Variants in OGFOD2 observed in about 807,000 individuals in gnomAD.
OGFOD2 encodes 2-oxoglutarate and iron-dependent oxygenase domain-containing protein 2.
Under a neutral mutation model 31.1 loss-of-function variants are expected in OGFOD2, and 34 were observed. That is an observed-to-expected ratio of 1.09 (90% CI 0.83 to 1.45). OGFOD2 has a LOEUF of 1.45. OGFOD2 is among the 40% of genes most tolerant of loss of function. The pLI, the probability that OGFOD2 is intolerant of heterozygous loss-of-function variation, is 0.00. For synonymous variants in OGFOD2, 240 were observed against 192.3 expected, an observed-to-expected ratio of 1.25 and a Z score of -2.05; for missense variants, 537 against 433.9, an observed-to-expected ratio of 1.24 and a Z score of -2.11.
chr12:122,976,279 C>T (rs1394546403), intron 2 of OGFOD2: 1 of 1,208,312 alleles, frequency 8.3e-7, no homozygotes, highest in Non-Finnish European at 1.2e-6. Context: ...CTGCCCCACT[C>T]CCTCCTCCTC....
Position 122,978,830 on chromosome 12 carries a change from C to T in OGFOD2, c.609C>T (p.Ala203=), listed in dbSNP as rs371976961. The T allele has an allele frequency of 3.1e-6, 5 of 1,612,770 alleles. No individual in the cohort carries two copies. In the South Asian group the frequency reaches 4.4e-5, roughly 14 times the overall value. Reference sequence around the variant, plus strand: ...AGCGCTTCCTGCAGCCGCTGATGGCCCTGCTGTACCCTGACTGTGGCGGGG... The same window carrying T: ...AGCGCTTCCTGCAGCCGCTGATGGCTCTGCTGTACCCTGACTGTGGCGGGG... Residue 203 remains alanine (A), a synonymous_variant, in exon 6 of 7, where the codon GCC becomes GCT. Coordinates refer to ENST00000228922, the Ensembl canonical transcript of OGFOD2.
At chr12:122,978,869 C>G in exon 6 of OGFOD2, 1 of 1,611,780 alleles carries the variant, frequency 6.2e-7, no homozygotes, top group South Asian at 1.1e-5. Flanking sequence ...GGCTCGACAG[C>G]CACCGGGCCT....
At chr12:122,977,296 C>T in intron 4 of OGFOD2, 1 of 377,212 alleles carries the variant, frequency 2.7e-6, no homozygotes, top group Non-Finnish European at 5.2e-6. Flanking sequence ...ACCATTGAGA[C>T]AGGTATGGGC....
At chr12:122,976,384 T>A in intron 2 of OGFOD2, 1 of 1,613,864 alleles carries the variant, frequency 6.2e-7, no homozygotes, top group Non-Finnish European at 8.5e-7. Flanking sequence ...TGTCCCTGTG[T>A]GGGCCCAGAT....
rs753005321 is a variant in OGFOD2, at chr12:122,978,440, AGAG to A, written c.406_408del (p.Glu136del). The A allele has an allele frequency of 1.9e-6, 3 of 1,613,104 alleles. No individual in the cohort carries two copies. The highest frequency in any genetic ancestry group is 1.7e-6 in the Non-Finnish European group (2 of 1,179,676). ...GCCAACAGACCATCCCTCCTTCCAC[AGAG>A]GAGAAGCGCATCTACCGGGTGCCTG... On this transcript the variant is annotated splice_acceptor_variant and coding_sequence_variant, in exon 5 of 7. Transcript: ENST00000228922. LOFTEE classifies it high-confidence loss of function.
intron 2 of OGFOD2, 158 bp from the exon 3 acceptor site, chr12:122,976,496 T>A: frequency 6.9e-7 from 1 of 1,442,628 alleles, no homozygotes; most frequent in Non-Finnish European, 9.7e-7. Flanking sequence ...GCTAACAGTC[T>A]GGAACTTGCA....
At chr12:122,976,389 C>T (rs747065353) in intron 2 of OGFOD2, 2 of 1,613,758 alleles carry the variant, frequency 1.2e-6, no homozygotes, top group South Asian at 1.1e-5. Flanking sequence ...CTGTGTGGGC[C>T]CAGATGGTTG....
In OGFOD2 at chr12:122,975,440, G is replaced by A. The variant is rs1408957035; in HGVS notation, c.132+57G>A. 2.4e-5 allele frequency: 15 copies of A among 631,148 alleles called. No individual in the cohort carries two copies. In the East Asian group the frequency reaches 3.3e-4, roughly 14 times the overall value. 39.1% of individuals were successfully genotyped at this position (631,148 alleles called of 1,614,324 possible). A position where few individuals can be genotyped will look rare whatever the true frequency, so the allele number is the denominator to read the frequency against. Reference sequence around the variant, plus strand: ...TGGGCAGAGAGGGGTAGTGGAGGAGGGAAGTTCGTCCCCAGGGTCGTTTGC... The same window carrying A: ...TGGGCAGAGAGGGGTAGTGGAGGAGAGAAGTTCGTCCCCAGGGTCGTTTGC... On this transcript the variant is annotated intron_variant, in intron 1 of 6. Transcript: ENST00000228922.
At position 122,975,262 on chromosome 12, in the gene OGFOD2, TG is replaced by T. The variant is rs1280578133; in HGVS notation, c.16del (p.Ala6LeufsTer56). The T allele has an allele frequency of 1.0e-5, 7 of 679,754 alleles. No individual in the cohort carries two copies. The highest frequency in any genetic ancestry group is 5.3e-5 in the African/African-American group (3 of 56,614). 42.1% of individuals were successfully genotyped at this position (679,754 alleles called of 1,614,324 possible). A position where few individuals can be genotyped will look rare whatever the true frequency, so the allele number is the denominator to read the frequency against. ...TGTGGGTGCTTCACTATGGCGACGG[TG>T]GGGGCTCCGCGGCACTTCTGCCGCT... is the stretch of plus-strand genomic sequence containing the variant. On this transcript the variant is annotated frameshift_variant, in exon 1 of 7. Transcript: ENST00000228922. LOFTEE classifies it high-confidence loss of function.
At chr12:122,975,277 A>G (rs1594093384) in exon 1 of OGFOD2, 2 of 690,400 alleles carry the variant, frequency 2.9e-6, no homozygotes, top group Non-Finnish European at 5.3e-6. Context: ...GCTCCGCGGC[A>G]CTTCTGCCGC....
rs771494863 is a variant in OGFOD2, at chr12:122,976,863, G to A, written c.304-8G>A. ...GCCTGCCCCACAGCTGGTGTGTTTT[G>A]CTCCCAGGATGCAGCTCTGGCCCCC... On this transcript the variant is annotated splice_polypyrimidine_tract_variant and splice_region_variant and intron_variant, in intron 3 of 6. Transcript: ENST00000228922. 1.9e-6 allele frequency: 3 copies of A among 1,600,576 alleles called. No individual in the cohort carries two copies. In the South Asian group the frequency reaches 3.3e-5, roughly 18 times the overall value.
At chr12:122,975,566 T>C (rs1327545876) in intron 1 of OGFOD2, 183 bp downstream of exon 1, 4 of 591,226 alleles carry the variant, frequency 6.8e-6, no homozygotes, top group Non-Finnish European at 1.2e-5. Flanking sequence ...CCCTGTGAGA[T>C]TGTGAGGAAG....
exon 7 of OGFOD2, chr12:122,979,233 A>G (rs768432422): frequency 6.2e-7 from 1 of 1,612,742 alleles, no homozygotes; most frequent in South Asian, 1.1e-5. Flanking sequence ...TGCTGTGCGC[A>G]ACAGCCTCTG....
chr12:122,975,086 AG>A (rs1426848268), upstream of OGFOD2: 1 of 493,444 alleles, frequency 2.0e-6, no homozygotes, highest in African/African-American at 1.9e-5. Flanking sequence ...AACCCGGCCC[AG>A]GAGCATCTTT....
rs772362317 is a variant in OGFOD2, at chr12:122,978,869, CCACCGGGCCTTTGTGGTCAAATACG to C, written c.658_682del (p.Phe220ArgfsTer41). Reference sequence around the variant, plus strand: ...ACTGTGGCGGGGGCCGGCTCGACAGCCACCGGGCCTTTGTGGTCAAATACGCACCGGGCCAGGACCTGGAGCTGGG... The same window carrying C: ...ACTGTGGCGGGGGCCGGCTCGACAGCCACCGGGCCAGGACCTGGAGCTGGG... On this transcript the variant is annotated frameshift_variant, in exon 6 of 7. Coordinates refer to ENST00000228922, the Ensembl canonical transcript of OGFOD2. LOFTEE classifies it high-confidence loss of function. The C allele has an allele frequency of 2.0e-5, 32 of 1,611,780 alleles. No homozygotes were observed. The African/African-American group carries it at 3.6e-4, about 18-fold the overall frequency.
intron 2 of OGFOD2, chr12:122,976,406 A>C (rs769226821): frequency 1.1e-5 from 17 of 1,613,662 alleles, no homozygotes; most frequent in Non-Finnish European, 1.4e-5. Context: ...GTTGAGGTAC[A>C]TCTAGGGGTT....
chr12:122,977,941 G>A (rs570128704), intron 4 of OGFOD2: 70 of 158,836 alleles, frequency 4.4e-4, no homozygotes, highest in African/African-American at 1.6e-3. Context: ...GCCAAGAAAT[G>A]TTTAGGTTTC....
chr12:122,977,322 G>C (rs1397460857), intron 4 of OGFOD2: 2 of 345,246 alleles, frequency 5.8e-6, no homozygotes, highest in South Asian at 2.3e-5. Context: ...AAAGGGACCA[G>C]TAAGGAATGG....
At chr12:122,979,553 G>T in exon 7 of OGFOD2, 4 of 653,400 alleles carry the variant, frequency 6.1e-6, no homozygotes, top group Non-Finnish European at 7.6e-6. Flanking sequence ...GGGAGTCAGG[G>T]AAGCAGGGGA....
Sources: gnomAD v4.1 joint callset for allele counts on GRCh38, gnomAD v4.1.1 for gene constraint, MANE v1.5 for transcripts, NCBI Gene and HGNC (gene_info 2026-07-23, HGNC 2026-07-21) for gene names.